STAM: variants seen among roughly 807,000 people sequenced by gnomAD.
STAM encodes the protein signal transducing adaptor molecule, also known as signal transducing adapter molecule 1.
In STAM, 16 loss-of-function variants were observed where a neutral mutation model predicts 63.4. That is an observed-to-expected ratio of 0.25 (90% CI 0.17 to 0.38). The LOEUF is 0.38. Among genes scored for constraint, STAM ranks in the 10% least tolerant of loss-of-function variants. STAM has a pLI of 1.00. For missense variants in STAM, 636 were observed against 657.1 expected, an observed-to-expected ratio of 0.97 and a Z score of 0.35; for synonymous variants, 238 against 223.9, an observed-to-expected ratio of 1.06 and a Z score of -0.56.
intron 1 of STAM, among the ~76,000 whole-genome samples, chr10:17,647,006 A>G (rs1554820929): frequency 1.3e-5 from 2 of 152,222 alleles, no homozygotes; most frequent in Admixed American, 6.5e-5. Context: ...AACATTTTTT[A>G]TAAAGAGACA....
intron 2 of STAM, among the ~76,000 whole-genome samples, chr10:17,678,305 A>G (rs1554824873): frequency 6.6e-6 from 1 of 151,262 alleles, no homozygotes; most frequent in African/African-American, 2.4e-5. Flanking sequence ...CCCAGGCTAG[A>G]ATGCAGCGGC....
intron 1 of STAM, among the ~76,000 whole-genome samples, chr10:17,656,768 G>A (rs537275952): frequency 1.2e-4 from 18 of 152,316 alleles, no homozygotes; most frequent in African/African-American, 3.9e-4. Flanking sequence ...CATCTAAGGG[G>A]CGTAAGGCAG....
At chr10:17,686,341 A>G (rs1835292268) in intron 4 of STAM, among the ~76,000 whole-genome samples, 1 of 151,430 alleles carries the variant, frequency 6.6e-6, no homozygotes, top group East Asian at 1.9e-4. Context: ...AATGTTTTAC[A>G]GTGAACATAT....
rs1836733750 is a variant in STAM at position 17,714,730 on chromosome 10, C to T, written c.1573C>T (p.Gln525Ter). ...AACTCTGCCTCAGCCCGGAGGCAGC[C>T]AACAGCCACCTCAGCCACAGCAACC... ...SSTLPQPGGS[Q>*]QPPQPQQPYS... The change falls in exon 14 of 14, where the codon CAA becomes TAA. Residue 525 changes from glutamine to a stop codon, truncating the protein, a stop_gained. Transcript: ENST00000377524. LOFTEE classifies it high-confidence loss of function. The T allele has an allele frequency of 6.2e-7, 1 of 1,614,112 alleles. No individual in the cohort carries two copies. Among genetic ancestry groups the T allele is most frequent in the East Asian group, 2.2e-5 (1 of 44,882 alleles).
intron 9 of STAM, among the ~76,000 whole-genome samples, chr10:17,703,022 A>G (rs1215227948): frequency 8.3e-6 from 1 of 120,532 alleles, no homozygotes; most frequent in Non-Finnish European, 1.9e-5. Context: ...AAAAAAAAAA[A>G]AAAAAGAAAA....
At chr10:17,687,060 G>A (rs1554826159) in intron 4 of STAM, among the ~76,000 whole-genome samples, 1 of 152,116 alleles carries the variant, frequency 6.6e-6, no homozygotes, top group African/African-American at 2.4e-5. Context: ...TAAGCAATGA[G>A]TAAAATAATT....
intron 1 of STAM, among the ~76,000 whole-genome samples, chr10:17,656,145 T>C (rs2131573624): frequency 6.6e-6 from 1 of 151,988 alleles, no homozygotes; most frequent in Non-Finnish European, 1.5e-5. Context: ...TACAAAAAAA[T>C]TAGCTGGACG....
Position 17,695,120 on chromosome 10 carries a change from A to G in STAM, c.607A>G (p.Ser203Gly), listed in dbSNP as rs1554827304. The G allele has an allele frequency of 6.2e-7, 1 of 1,614,130 alleles. No individual in the cohort carries two copies. Among genetic ancestry groups the G allele is most frequent in the Non-Finnish European group, 8.5e-7 (1 of 1,179,976 alleles). Reference protein sequence around the residue: ...TLSTLYPSTSSLLTNHQHEGR... With the variant: ...TLSTLYPSTSGLLTNHQHEGR... ...TTCCACTTTGTATCCAAGCACATCCAGTCTCTTAACTAACCACCAACATGA... is the reference window on the plus strand; with the variant it reads ...TTCCACTTTGTATCCAAGCACATCCGGTCTCTTAACTAACCACCAACATGA... The change falls in exon 7 of 14, where the codon AGT (serine) becomes GGT (glycine). Residue 203 changes from serine to glycine, a missense_variant. Physicochemically the swap from Ser to Gly is moderately conservative, Grantham distance 56. Coordinates refer to ENST00000377524, the MANE Select transcript of STAM (RefSeq NM_003473.4).
At chr10:17,670,186 C>T (rs1246793518) in intron 2 of STAM, among the ~76,000 whole-genome samples, 2 of 152,046 alleles carry the variant, frequency 1.3e-5, no homozygotes, top group East Asian at 1.9e-4. Flanking sequence ...GAATGGGATC[C>T]GATGCGAGCT....
At chr10:17,704,042 T>C (rs1554828855) in intron 9 of STAM, among the ~76,000 whole-genome samples, 5 of 152,240 alleles carry the variant, frequency 3.3e-5, no homozygotes. Flanking sequence ...TAAGTTTAAA[T>C]GTGGCTTGAT....
intron 1 of STAM, 115 bp downstream of exon 1, chr10:17,644,494 C>G (rs1554820559): frequency 5.5e-6 from 7 of 1,282,374 alleles, no homozygotes; most frequent in Non-Finnish European, 6.7e-6. Context: ...TCGCTCTTCC[C>G]CTTTCCTGAG....
At chr10:17,658,562 G>A (rs940978438) in intron 1 of STAM, among the ~76,000 whole-genome samples, 3 of 152,124 alleles carry the variant, frequency 2.0e-5, no homozygotes, top group Admixed American at 2.0e-4. Flanking sequence ...CCAGGCTGGA[G>A]TGCAGTGGTG....
chr10:17,647,911 C>T (rs147096114), intron 1 of STAM, among the ~76,000 whole-genome samples: 1 of 152,320 alleles, frequency 6.6e-6, no homozygotes, highest in Non-Finnish European at 1.5e-5. Context: ...CTGAGCATCT[C>T]CATTTGGATT....
chr10:17,674,294 T>G lies in STAM; in HGVS notation c.126-10381T>G, dbSNP rs116169662. On this transcript the variant is annotated intron_variant, in intron 2 of 13. Coordinates refer to ENST00000377524, the MANE Select transcript of STAM (RefSeq NM_003473.4). ...TTACTACACAACTCTTAGTAGTAAC[T>G]GTCCTAACACTTAGCTTAAAAGAGC... Among the ~76,000 whole-genome samples the G allele has an allele frequency of 7.5e-3, 1,148 of 152,348 alleles. 11 individuals are homozygous for G. The highest frequency in any genetic ancestry group is 0.026 in the African/African-American group (1,092 of 41,578).
chr10:17,685,070 T>C, intron 4 of STAM, 143 bp downstream of exon 4: 1 of 638,668 alleles, frequency 1.6e-6, no homozygotes. Context: ...AAATAAATAT[T>C]ATGTTTTGTT....
chr10:17,672,922 C>T (rs1359872609), intron 2 of STAM: 1 of 495,612 alleles, frequency 2.0e-6, no homozygotes, highest in Non-Finnish European at 2.6e-6. Flanking sequence ...TTCTCCTTTC[C>T]CTGTTCTTTG....
In STAM at chr10:17,644,246, T is replaced by A. The variant is rs1209368636; in HGVS notation, c.-94T>A. On this transcript the variant is annotated 5_prime_UTR_variant, in exon 1 of 14. Transcript: ENST00000377524. ...ACCCTGTAGAGTCGGTCTCTGTTGC[T>A]CTTTTTGCCTGAGGAGTCTTCCATC... is the stretch of plus-strand genomic sequence containing the variant. 120 of 1,390,012 alleles carry A rather than the reference T, an allele frequency of 8.6e-5. 1 individual carries two copies. Among genetic ancestry groups the A allele is most frequent in the Non-Finnish European group, 1.1e-4 (105 of 982,150 alleles). 86.1% of individuals were successfully genotyped at this position (1,390,012 alleles called of 1,614,324 possible).
chr10:17,653,467 T>C (rs1378625364), intron 1 of STAM, among the ~76,000 whole-genome samples: 1 of 152,146 alleles, frequency 6.6e-6, no homozygotes, highest in Non-Finnish European at 1.5e-5. Context: ...TACACACTGA[T>C]GTATTTGGAG....
In STAM at chr10:17,716,272, T is replaced by C. The variant is rs782539324; in HGVS notation, c.*1492T>C. On this transcript the variant is annotated 3_prime_UTR_variant, in exon 14 of 14. Coordinates refer to ENST00000377524, the MANE Select transcript of STAM (RefSeq NM_003473.4). ...GTTGTAATCAGGTAGCTTGTTTATT[T>C]TCTTTTTGAGAGAAGATTAAATCTT... is the stretch of plus-strand genomic sequence containing the variant. 3.3e-5 allele frequency among the ~76,000 whole-genome samples: 5 copies of C among 152,110 alleles called. No homozygotes were observed. The highest frequency in any genetic ancestry group is 7.4e-5 in the Non-Finnish European group (5 of 67,976).
Sources: allele counts gnomAD v4.1 joint callset (sites outside exome capture counted in the v4.1 genomes callset), GRCh38; gene constraint gnomAD v4.1.1; transcripts MANE v1.5; gene names NCBI Gene and HGNC (gene_info 2026-07-23, HGNC 2026-07-21).